Variants in SSBP3 observed in about 807,000 individuals in gnomAD.
SSBP3 encodes single stranded DNA binding protein 3, also known as single-stranded DNA-binding protein 3.
SSBP3 carries 5 observed loss-of-function variants against 69.6 expected under a neutral mutation model. That is an observed-to-expected ratio of 0.07 (90% confidence interval 0.04 to 0.15). SSBP3 has a LOEUF of 0.15. SSBP3 is among the 10% of genes least tolerant of loss of function. The pLI, the probability that SSBP3 is intolerant of heterozygous loss-of-function variation, is 1.00. For missense variants in SSBP3, 312 were observed against 534.0 expected, an observed-to-expected ratio of 0.58 and a Z score of 4.10; for synonymous variants, 196 against 193.4, an observed-to-expected ratio of 1.01 and a Z score of -0.11.
chr1:54,266,995 C>T (rs1441508565), intron 5 of SSBP3, among the ~76,000 whole-genome samples: 3 of 152,216 alleles, frequency 2.0e-5, no homozygotes, highest in African/African-American at 7.2e-5. Context: ...GAAGCCCTTC[C>T]CCTTGTTTGC....
intron 4 of SSBP3, among the ~76,000 whole-genome samples, chr1:54,383,747 T>C (rs759207667): frequency 3.9e-5 from 6 of 152,164 alleles, no homozygotes; most frequent in Admixed American, 6.5e-5. Context: ...AGACACAGGC[T>C]GAGTGATGGA....
In SSBP3 at chr1:54,406,391, G is replaced by C. The variant is rs958549393; in HGVS notation, c.-383C>G. On this transcript the variant is annotated 5_prime_UTR_variant, in exon 1 of 18. Transcript: ENST00000610401. ...GCCGCCGCCGCCGCCGCCGCCGCTG[G>C]TCTACTTGGAGCTCAACCGAACGTG... The C allele has an allele frequency of 1.5e-3, 237 of 157,992 alleles. 2 individuals carry two copies. The highest frequency in any genetic ancestry group is 2.4e-3 in the Non-Finnish European group (175 of 73,698). 9.8% of individuals were successfully genotyped at this position (157,992 alleles called of 1,614,324 possible).
At chr1:54,317,865 G>A (rs906635325) in intron 4 of SSBP3, among the ~76,000 whole-genome samples, 3 of 152,074 alleles carry the variant, frequency 2.0e-5, no homozygotes, top group East Asian at 1.9e-4. Flanking sequence ...TCCTGGGTTC[G>A]AGTGATTCTC....
At chr1:54,261,221 C>T (rs572890976) in intron 5 of SSBP3, among the ~76,000 whole-genome samples, 1 of 152,344 alleles carries the variant, frequency 6.6e-6, no homozygotes, top group South Asian at 2.1e-4. Context: ...TTTGCTTCTG[C>T]AAGGAACATG....
At chr1:54,404,810 G>GC in intron 2 of SSBP3, 48 bp downstream of exon 2, 6 of 729,828 alleles carry the variant, frequency 8.2e-6, no homozygotes, top group East Asian at 9.3e-5. Context: ...AAGAATAGTG[G>GC]GGGGGGGGGG....
At chr1:54,366,540 T>C (rs545604531) in intron 4 of SSBP3, among the ~76,000 whole-genome samples, 1 of 152,276 alleles carries the variant, frequency 6.6e-6, no homozygotes, top group African/African-American at 2.4e-5. Flanking sequence ...TGAAATGGCT[T>C]TCAGGGCTGA....
chr1:54,366,841 G>A (rs1647036004), intron 4 of SSBP3, among the ~76,000 whole-genome samples: 1 of 152,180 alleles, frequency 6.6e-6, no homozygotes, highest in South Asian at 2.1e-4. Context: ...AACTTTAGAA[G>A]CGTTCAATCT....
At chr1:54,273,878 T>G (rs1240465215) in intron 5 of SSBP3, among the ~76,000 whole-genome samples, 1 of 151,966 alleles carries the variant, frequency 6.6e-6, no homozygotes, top group Non-Finnish European at 1.5e-5. Context: ...GGCCTAGGGG[T>G]GGGGAAGAGC....
At chr1:54,306,418 T>A (rs1645902713) in intron 4 of SSBP3, among the ~76,000 whole-genome samples, 1 of 152,194 alleles carries the variant, frequency 6.6e-6, no homozygotes, top group South Asian at 2.1e-4. Context: ...TGGCAAAGAC[T>A]GGGTTATCTG....
At chr1:54,336,066 C>A (rs1174126154) in intron 4 of SSBP3, among the ~76,000 whole-genome samples, 1 of 152,234 alleles carries the variant, frequency 6.6e-6, no homozygotes, top group Non-Finnish European at 1.5e-5. Context: ...GCTACTACAT[C>A]TGCAGAAAGA....
intron 5 of SSBP3, among the ~76,000 whole-genome samples, chr1:54,260,467 T>C (rs1644998496): frequency 6.6e-6 from 1 of 152,192 alleles, no homozygotes; most frequent in Non-Finnish European, 1.5e-5. Flanking sequence ...CCCAAGGGCG[T>C]GTGGCGCACA....
intron 4 of SSBP3, among the ~76,000 whole-genome samples, chr1:54,316,490 A>T (rs1297742051): frequency 6.9e-6 from 1 of 145,628 alleles, no homozygotes; most frequent in East Asian, 2.0e-4. Flanking sequence ...ATACAAAAAA[A>T]ATTAGCCGGG....
intron 4 of SSBP3, among the ~76,000 whole-genome samples, chr1:54,379,834 G>A (rs1032492451): frequency 6.6e-6 from 1 of 152,174 alleles, no homozygotes; most frequent in Non-Finnish European, 1.5e-5. Context: ...AGCACAAGGC[G>A]GTATCGTCCC....
intron 4 of SSBP3, among the ~76,000 whole-genome samples, chr1:54,394,354 G>A (rs560364466): frequency 2.0e-5 from 3 of 152,254 alleles, no homozygotes; most frequent in African/African-American, 4.8e-5. Flanking sequence ...TTACAACACA[G>A]GGGTGGGACT....
At chr1:54,245,153 A>C (rs1401349297) in intron 9 of SSBP3, among the ~76,000 whole-genome samples, 1 of 152,226 alleles carries the variant, frequency 6.6e-6, no homozygotes, top group Non-Finnish European at 1.5e-5. Context: ...AGGTTGCTGG[A>C]ATTTTGATGG....
At chr1:54,402,054 A>G (rs2100816019) in intron 3 of SSBP3, 109 bp from the exon 4 acceptor site, 2 of 835,742 alleles carry the variant, frequency 2.4e-6, no homozygotes, top group East Asian at 2.6e-5. Context: ...CAAAGGCTCA[A>G]TCCCACCTTA....
chr1:54,412,728 T>C (rs985337799), intron 1 of SSBP3: 3 of 152,196 alleles, frequency 2.0e-5, no homozygotes, highest in African/African-American at 7.2e-5. Flanking sequence ...GCAATATTTT[T>C]TTTTGAGACA....
intron 4 of SSBP3, among the ~76,000 whole-genome samples, chr1:54,283,067 G>A (rs1645425513): frequency 6.6e-6 from 1 of 152,124 alleles, no homozygotes; most frequent in Non-Finnish European, 1.5e-5. Flanking sequence ...AGGAGTTTGA[G>A]ACCAGCCTGG....
intron 4 of SSBP3, among the ~76,000 whole-genome samples, chr1:54,374,341 C>A (rs1037706360): frequency 6.6e-6 from 1 of 152,180 alleles, no homozygotes; most frequent in South Asian, 2.1e-4. Flanking sequence ...TCCGGGAAGA[C>A]GACTCTGAGC....
Sources: allele counts gnomAD v4.1 joint callset (sites outside exome capture counted in the v4.1 genomes callset), GRCh38; gene constraint gnomAD v4.1.1; transcripts MANE v1.5; gene names NCBI Gene and HGNC (gene_info 2026-07-23, HGNC 2026-07-21).